Variants in NT5DC1 observed in about 807,000 individuals in gnomAD.
NT5DC1 encodes 5'-nucleotidase domain-containing protein 1.
NT5DC1 carries 42 observed loss-of-function variants against 59.4 expected under a neutral mutation model. The observed-to-expected ratio is 0.71, with a 90% CI of 0.55 to 0.92. NT5DC1 has a LOEUF of 0.92. Among genes scored for constraint, NT5DC1 ranks in the 40% least tolerant of loss-of-function variants. The pLI is 0.00. For missense variants in NT5DC1, 501 were observed against 537.1 expected, an observed-to-expected ratio of 0.93 and a Z score of 0.66; for synonymous variants, 172 against 188.1, an observed-to-expected ratio of 0.91 and a Z score of 0.70.
intron 6 of NT5DC1, among the ~76,000 whole-genome samples, chr6:116,214,706 A>G (rs1394473231): frequency 6.6e-6 from 1 of 152,122 alleles, no homozygotes; most frequent in Non-Finnish European, 1.5e-5. Context: ...TTGAAATATC[A>G]TATTCAAAAT....
At chr6:116,221,523 G>T (rs1285623585) in intron 7 of NT5DC1, among the ~76,000 whole-genome samples, 1 of 152,102 alleles carries the variant, frequency 6.6e-6, no homozygotes, top group African/African-American at 2.4e-5. Context: ...CCATGAATTT[G>T]GTTTCTCATC....
chr6:116,182,655 T>A (rs909783057), intron 6 of NT5DC1, among the ~76,000 whole-genome samples: 1 of 152,046 alleles, frequency 6.6e-6, no homozygotes, highest in Non-Finnish European at 1.5e-5. Flanking sequence ...AGCATTTTGT[T>A]ACATGTTTGT....
chr6:116,244,063 G>A lies in NT5DC1; in HGVS notation c.*39G>A. The A allele has an allele frequency of 1.3e-6, 1 of 785,952 alleles. No individual in the cohort carries two copies. The highest frequency in any genetic ancestry group is 2.6e-5 in the East Asian group (1 of 37,820). 48.7% of individuals were successfully genotyped at this position (785,952 alleles called of 1,614,324 possible). On this transcript the variant is annotated 3_prime_UTR_variant, in exon 12 of 12. Transcript: ENST00000319550. ...AAAAATGAAGTGAAGACCCATATAT[G>A]CAGTTAAAAAAAAGTTAATTTTCAA...
rs528718832 is a variant in NT5DC1 at position 116,133,141 on chromosome 6, G to A, written c.529+15196G>A. Reference sequence around the variant, plus strand: ...CATTACTTGAAGAGCTCATAGTTTCGTGCGCCAAGTGCTTAATGACATCAC... The same window carrying A: ...CATTACTTGAAGAGCTCATAGTTTCATGCGCCAAGTGCTTAATGACATCAC... On this transcript the variant is annotated intron_variant, in intron 6 of 11. Transcript: ENST00000319550. Among the ~76,000 whole-genome samples, 49 of 152,232 alleles carry A rather than the reference G, an allele frequency of 3.2e-4. 1 individual carries two copies. The highest frequency in any genetic ancestry group is 3.1e-3 in the South Asian group (15 of 4,822).
chr6:116,119,447 A>G (rs1249584687), intron 6 of NT5DC1: 2 of 152,624 alleles, frequency 1.3e-5, no homozygotes, highest in Non-Finnish European at 2.9e-5. Flanking sequence ...ATGAACTTCA[A>G]TATTTTGGGG....
At chr6:116,153,954 T>C (rs780722074) in intron 6 of NT5DC1, among the ~76,000 whole-genome samples, 8 of 152,120 alleles carry the variant, frequency 5.3e-5, no homozygotes, top group Non-Finnish European at 8.8e-5. Flanking sequence ...TGTAAAGCTG[T>C]ATGTATTGCA....
chr6:116,101,055 CG>C, intron 1 of NT5DC1, 32 bp downstream of exon 1: 1 of 1,482,394 alleles, frequency 6.7e-7, no homozygotes. Flanking sequence ...GCGCACTGCG[CG>C]CAACCTCCAT....
At chr6:116,145,999 T>A (rs1779890262) in intron 6 of NT5DC1, among the ~76,000 whole-genome samples, 1 of 152,198 alleles carries the variant, frequency 6.6e-6, no homozygotes. Flanking sequence ...CTTACTTACT[T>A]CTGGAAAGCA....
chr6:116,141,854 A>C (rs959140654), intron 6 of NT5DC1, among the ~76,000 whole-genome samples: 1 of 146,700 alleles, frequency 6.8e-6, no homozygotes, highest in African/African-American at 2.6e-5. Context: ...ATAGAGTCTT[A>C]TTTCAGTAAA....
intron 4 of NT5DC1, among the ~76,000 whole-genome samples, chr6:116,111,612 T>G (rs530395438): frequency 6.6e-6 from 1 of 152,356 alleles, no homozygotes; most frequent in Non-Finnish European, 1.5e-5. Flanking sequence ...TGCAGTTTTC[T>G]CCCACACTAC....
At chr6:116,163,056 G>A (rs1291254183) in intron 6 of NT5DC1, among the ~76,000 whole-genome samples, 1 of 148,582 alleles carries the variant, frequency 6.7e-6, no homozygotes, top group Non-Finnish European at 1.5e-5. Flanking sequence ...GAACCCGGGA[G>A]GTGGAGCTTG....
chr6:116,160,642 C>A (rs1056673753), intron 6 of NT5DC1, among the ~76,000 whole-genome samples: 3 of 152,076 alleles, frequency 2.0e-5, no homozygotes, highest in Non-Finnish European at 4.4e-5. Flanking sequence ...CATTTGTCTA[C>A]TTTTGGTTTT....
intron 11 of NT5DC1, 81 bp from the exon 12 acceptor site, chr6:116,243,828 T>C: frequency 1.7e-6 from 1 of 581,528 alleles, no homozygotes; most frequent in Non-Finnish European, 3.1e-6. Flanking sequence ...ATAAGTTTTA[T>C]TAGTGAATAT....
chr6:116,237,942 C>A (rs367839156), intron 9 of NT5DC1, among the ~76,000 whole-genome samples: 29 of 152,292 alleles, frequency 1.9e-4, no homozygotes, highest in African/African-American at 7.0e-4. Flanking sequence ...TCACTTATTT[C>A]ACCTTATGCT....
At chr6:116,243,040 T>C (rs1406965846) in intron 11 of NT5DC1, among the ~76,000 whole-genome samples, 4 of 152,220 alleles carry the variant, frequency 2.6e-5, no homozygotes, top group South Asian at 2.1e-4. Context: ...GTTGCCTCTT[T>C]AGCTCTCTGG....
chr6:116,100,918 T>A lies in NT5DC1; in HGVS notation c.-13T>A, dbSNP rs1778627125. 2 of 1,591,372 alleles carry A rather than the reference T, an allele frequency of 1.3e-6. No homozygotes were observed. The highest frequency in any genetic ancestry group is 1.1e-5 in the South Asian group (1 of 88,976). On this transcript the variant is annotated 5_prime_UTR_variant, in exon 1 of 12. Transcript: ENST00000319550. ...TCGCGGCCGAGGCGCTCCCTGGTGC[T>A]CCCCGCGCAGCCATGGCTCAGCACT...
chr6:116,214,781 T>C (rs1370958077), intron 6 of NT5DC1, among the ~76,000 whole-genome samples: 2 of 152,062 alleles, frequency 1.3e-5, no homozygotes, highest in Non-Finnish European at 1.5e-5. Flanking sequence ...TAAAGAGTTA[T>C]CTGTGTTGTG....
At chr6:116,230,525 C>G (rs1172147376) in intron 8 of NT5DC1, among the ~76,000 whole-genome samples, 1 of 152,204 alleles carries the variant, frequency 6.6e-6, no homozygotes, top group Non-Finnish European at 1.5e-5. Context: ...GATTCTGATT[C>G]AGAGGCCCTG....
At chr6:116,164,274 G>C (rs548374807) in intron 6 of NT5DC1, among the ~76,000 whole-genome samples, 2 of 152,212 alleles carry the variant, frequency 1.3e-5, no homozygotes, top group East Asian at 1.9e-4. Flanking sequence ...CTCTGGTGTT[G>C]GGTAATGTAT....
Sources: gnomAD v4.1 joint callset for allele counts (sites outside exome capture counted in the v4.1 genomes callset) on GRCh38, gnomAD v4.1.1 for gene constraint, MANE v1.5 for transcripts, NCBI Gene and HGNC (gene_info 2026-07-23, HGNC 2026-07-21) for gene names.